The following TRPC1 variants were observed in gnomAD, a reference collection of about 807,000 sequenced individuals.
TRPC1 encodes the protein transient receptor potential cation channel subfamily C member 1.
Under a neutral mutation model 88.2 loss-of-function variants are expected in TRPC1, and 42 were observed. The ratio of observed to expected loss-of-function variants is 0.48; its 90% confidence interval spans 0.37 to 0.62. The LOEUF is 0.62. Ranked by LOEUF, TRPC1 falls within the 20% of genes least tolerant of loss-of-function variation. The probability of loss-of-function intolerance (pLI) is 0.00; values close to 1 mark genes in which losing one functional copy is unlikely to be tolerated. For missense variants in TRPC1, 699 were observed against 957.3 expected, an observed-to-expected ratio of 0.73 and a Z score of 3.56; for synonymous variants, 288 against 331.8, an observed-to-expected ratio of 0.87 and a Z score of 1.43.
At chr3:142,758,637 C>T (rs1056933056) in intron 4 of TRPC1, among the ~76,000 whole-genome samples, 7 of 148,898 alleles carry the variant, frequency 4.7e-5, no homozygotes, top group Non-Finnish European at 9.0e-5. Context: ...TTACTGTAAT[C>T]TCAATTGTCT....
chr3:142,804,690 A>G (rs1293966388), intron 12 of TRPC1, 60 bp downstream of exon 12: 1 of 1,498,696 alleles, frequency 6.7e-7, no homozygotes, highest in East Asian at 2.3e-5. Context: ...AATCTCAGAT[A>G]TTTCTTAAAG....
chr3:142,763,888 AT>A (rs1205139583), intron 4 of TRPC1, among the ~76,000 whole-genome samples: 1 of 148,474 alleles, frequency 6.7e-6, no homozygotes, highest in East Asian at 2.0e-4. Flanking sequence ...TGCAAAAAAC[AT>A]CTTATAAATA....
chr3:142,735,778 G>A (rs1934111418), intron 1 of TRPC1, among the ~76,000 whole-genome samples: 1 of 150,958 alleles, frequency 6.6e-6, no homozygotes, highest in South Asian at 2.1e-4. Context: ...ATGAGATGGT[G>A]TGTGTGTGTG....
chr3:142,724,418 G>A lies in TRPC1; in HGVS notation c.-142G>A. On this transcript the variant is annotated 5_prime_UTR_variant, in exon 1 of 13. Coordinates refer to ENST00000476941, the MANE Select transcript of TRPC1 (RefSeq NM_001251845.2). This position sits in a 1 kb window ranked among gnomAD's most constrained non-coding sequence, Gnocchi z 5.6. ...TCTCAGGGGAGGCGACGCCCTTCGG[G>A]GCCAACGGGCCTCGAGCCGAGGCAG... is the stretch of plus-strand genomic sequence containing the variant. The A allele has an allele frequency of 2.7e-6, 2 of 754,540 alleles. No homozygotes were observed. The highest frequency in any genetic ancestry group is 3.9e-6 in the Non-Finnish European group (2 of 512,452). 46.7% of individuals were successfully genotyped at this position (754,540 alleles called of 1,614,324 possible). A position where few individuals can be genotyped will look rare whatever the true frequency, so the allele number is the denominator to read the frequency against.
intron 4 of TRPC1, among the ~76,000 whole-genome samples, chr3:142,752,493 T>C (rs570640638): frequency 1.9e-3 from 293 of 152,322 alleles, no homozygotes; most frequent in African/African-American, 6.8e-3. Context: ...ATCTCAGAGT[T>C]GAACAAATGT....
intron 3 of TRPC1, among the ~76,000 whole-genome samples, chr3:142,746,266 T>C (rs1934551328): frequency 6.6e-6 from 1 of 152,146 alleles, no homozygotes; most frequent in South Asian, 2.1e-4. Flanking sequence ...AAATTTAGGT[T>C]TTTTATTTAA....
At chr3:142,788,342 T>A (rs966411253) in intron 7 of TRPC1, among the ~76,000 whole-genome samples, 2 of 152,008 alleles carry the variant, frequency 1.3e-5, no homozygotes, top group African/African-American at 4.8e-5. Flanking sequence ...GGGAACAGAC[T>A]TCAGAGATAT....
At chr3:142,801,545 A>G (rs990266848) in intron 9 of TRPC1, among the ~76,000 whole-genome samples, 1 of 152,170 alleles carries the variant, frequency 6.6e-6, no homozygotes, top group African/African-American at 2.4e-5. Flanking sequence ...TAAAGCTTCC[A>G]TATGCACTAT....
At chr3:142,795,754 G>C (rs1936431311) in intron 9 of TRPC1, among the ~76,000 whole-genome samples, 1 of 151,966 alleles carries the variant, frequency 6.6e-6, no homozygotes, top group African/African-American at 2.4e-5. Flanking sequence ...AGTAACATAG[G>C]GGAATATGGA....
chr3:142,744,272 T>G (rs1934458474), intron 3 of TRPC1, among the ~76,000 whole-genome samples: 2 of 152,106 alleles, frequency 1.3e-5, no homozygotes, highest in Admixed American at 6.5e-5. Context: ...AAAAAATCAT[T>G]GATAGCAAGG....
In TRPC1 at chr3:142,724,527, C is replaced by A; in HGVS notation, c.-33C>A. 1 of 1,490,648 alleles carries A rather than the reference C, an allele frequency of 6.7e-7. No individual in the cohort carries two copies. The highest frequency in any genetic ancestry group is 1.3e-5 in the South Asian group (1 of 77,600). 92.3% of individuals were successfully genotyped at this position (1,490,648 alleles called of 1,614,324 possible). On this transcript the variant is annotated 5_prime_UTR_variant, in exon 1 of 13. Coordinates refer to ENST00000476941, the MANE Select transcript of TRPC1 (RefSeq NM_001251845.2). This position sits in a 1 kb window ranked among gnomAD's most constrained non-coding sequence, Gnocchi z 5.6. ...GTCGGGGCCGGTGGGGGCCCCGCCC[C>A]CGTCTCCTGGCCTGCCCCCTTCATG...
intron 4 of TRPC1, among the ~76,000 whole-genome samples, chr3:142,763,224 A>T (rs926818524): frequency 1.3e-5 from 2 of 151,630 alleles, no homozygotes; most frequent in Non-Finnish European, 2.9e-5. Context: ...TTCTTTGTTG[A>T]TTTTCTGTCT....
At chr3:142,788,263 G>A (rs772030849) in intron 7 of TRPC1, among the ~76,000 whole-genome samples, 36 of 152,138 alleles carry the variant, frequency 2.4e-4, no homozygotes, top group Non-Finnish European at 5.0e-4. Context: ...TATCGATGCT[G>A]TTGCACTAAT....
chr3:142,753,530 C>T (rs775454468), intron 4 of TRPC1, among the ~76,000 whole-genome samples: 9 of 151,804 alleles, frequency 5.9e-5, no homozygotes, highest in Non-Finnish European at 1.2e-4. Context: ...CTTTGGAGGC[C>T]GAGGCAGGCC....
At chr3:142,761,803 G>A (rs1251749546) in intron 4 of TRPC1, among the ~76,000 whole-genome samples, 3 of 152,038 alleles carry the variant, frequency 2.0e-5, no homozygotes, top group Non-Finnish European at 4.4e-5. Context: ...AATCATGGTA[G>A]GTTGTCTGTG....
chr3:142,725,083 A>G (rs1933620108), intron 1 of TRPC1, among the ~76,000 whole-genome samples: 1 of 152,186 alleles, frequency 6.6e-6, no homozygotes, highest in Admixed American at 6.5e-5. Flanking sequence ...CTCGCAGTTC[A>G]TTCCTTCCGG....
At chr3:142,738,138 G>A (rs1934209697) in intron 2 of TRPC1, among the ~76,000 whole-genome samples, 1 of 152,120 alleles carries the variant, frequency 6.6e-6, no homozygotes, top group Non-Finnish European at 1.5e-5. Flanking sequence ...ACATTTTATA[G>A]ATTAGAAAAC....
At chr3:142,728,733 TGA>T (rs1027104620) in intron 1 of TRPC1, among the ~76,000 whole-genome samples, 1 of 152,220 alleles carries the variant, frequency 6.6e-6, no homozygotes, top group African/African-American at 2.4e-5. Flanking sequence ...GCAGCATTTC[TGA>T]GAGAAGTAAT....
chr3:142,803,407 G>T (rs1412458142), intron 10 of TRPC1, among the ~76,000 whole-genome samples: 1 of 152,222 alleles, frequency 6.6e-6, no homozygotes, highest in Admixed American at 6.6e-5. Context: ...TGAATCAGAG[G>T]GGGAGTTGTA....
Sources: gnomAD v4.1 joint callset for allele counts (sites outside exome capture counted in the v4.1 genomes callset) on GRCh38, gnomAD v4.1.1 for gene constraint, Gnocchi (gnomAD v3.1) non-coding constraint, MANE v1.5 for transcripts, NCBI Gene and HGNC (gene_info 2026-07-23, HGNC 2026-07-21) for gene names.